The following KCNN2 variants were observed in gnomAD, a reference collection of about 807,000 sequenced individuals.
The protein encoded by KCNN2 is small conductance calcium-activated potassium channel protein 2.
A neutral mutation model predicts 55.5 loss-of-function variants in KCNN2; 24 were observed. That is an observed-to-expected ratio of 0.43 (90% CI 0.31 to 0.61). The LOEUF is 0.61. Ranked by LOEUF, KCNN2 falls within the 20% of genes least tolerant of loss-of-function variation. The pLI, the probability that KCNN2 is intolerant of heterozygous loss-of-function variation, is 0.08. For missense variants in KCNN2, 754 were observed against 853.6 expected (o/e 0.88, Z 1.45); for synonymous variants, 431 against 336.1 (o/e 1.28, Z -3.09).
chr5:114,370,867 G>A (rs1448436068), intron 2 of KCNN2, among the ~76,000 whole-genome samples: 2 of 152,134 alleles, frequency 1.3e-5, no homozygotes, highest in Non-Finnish European at 2.9e-5. Context: ...AGAGTTTAAA[G>A]CAGGCAAGGC....
Position 114,431,612 on chromosome 5 carries a change from C to T in KCNN2, c.1637+26756C>T, listed in dbSNP as rs1005355480. On this transcript the variant is annotated intron_variant, in intron 3 of 7. Transcript: ENST00000673685. ...CTGCTCTAATTTTTTAATTCTTTTC[C>T]TTTTGCTTATCTTGGGGTTAAACTT... 4.7e-5 allele frequency among the ~76,000 whole-genome samples: 7 copies of T among 150,382 alleles called. No individual in the cohort carries two copies. The East Asian group carries it at 1.4e-3, about 29-fold the overall frequency.
intron 2 of KCNN2, among the ~76,000 whole-genome samples, chr5:114,308,657 G>T (rs1756338084): frequency 6.6e-6 from 1 of 152,170 alleles, no homozygotes; most frequent in East Asian, 1.9e-4. Flanking sequence ...GTATGGAATG[G>T]GTGGTAATGG....
At chr5:114,361,522 G>A (rs959702984), upstream of KCNN2, among the ~76,000 whole-genome samples, 5 of 152,222 alleles carry the variant, frequency 3.3e-5, no homozygotes, top group African/African-American at 7.2e-5. Flanking sequence ...GCGGGCAGCC[G>A]GCAGCCCACT....
chr5:114,431,266 T>C (rs1410368529), intron 3 of KCNN2, among the ~76,000 whole-genome samples: 1 of 152,260 alleles, frequency 6.6e-6, no homozygotes, highest in African/African-American at 2.4e-5. Context: ...TGGATTTCTT[T>C]AATAGATATG....
intron 1 of KCNN2, among the ~76,000 whole-genome samples, chr5:114,079,716 A>C (rs1212522944): frequency 6.6e-6 from 1 of 152,146 alleles, no homozygotes; most frequent in Non-Finnish European, 1.5e-5. Flanking sequence ...GTAAGTGTTT[A>C]GGAAGTGGAG....
intron 1 of KCNN2, among the ~76,000 whole-genome samples, chr5:114,071,129 A>G (rs1404840375): frequency 6.6e-6 from 1 of 152,208 alleles, no homozygotes; most frequent in Non-Finnish European, 1.5e-5. Context: ...ACTCTGGCTA[A>G]TTAAAGAAGG....
At chr5:114,336,779 C>T (rs981812161) in intron 2 of KCNN2, among the ~76,000 whole-genome samples, 17 of 152,066 alleles carry the variant, frequency 1.1e-4, no homozygotes, top group South Asian at 2.1e-4. Context: ...TGACAGAAAG[C>T]GCTTTCCATG....
chr5:114,072,002 C>G (rs1420628084), intron 1 of KCNN2, among the ~76,000 whole-genome samples: 1 of 152,132 alleles, frequency 6.6e-6, no homozygotes, highest in Non-Finnish European at 1.5e-5. Context: ...GTTATAAAAG[C>G]AAGGTCAAGG....
chr5:114,393,987 A>G (rs189412218), intron 2 of KCNN2, among the ~76,000 whole-genome samples: 121 of 152,058 alleles, frequency 8.0e-4, no homozygotes, highest in South Asian at 3.3e-3. Flanking sequence ...TACATTCACT[A>G]TTTTTCACTC....
intron 2 of KCNN2, among the ~76,000 whole-genome samples, chr5:114,237,787 T>A (rs1754533845): frequency 6.6e-6 from 1 of 152,204 alleles, no homozygotes; most frequent in African/African-American, 2.4e-5. Context: ...AGTAACTTAG[T>A]CAACAGAAAT....
intron 2 of KCNN2, among the ~76,000 whole-genome samples, chr5:114,333,473 C>A (rs971553886): frequency 3.3e-5 from 5 of 152,092 alleles, no homozygotes; most frequent in African/African-American, 9.7e-5. Flanking sequence ...TATGTACAAG[C>A]AAAGTCTATT....
intron 1 of KCNN2, among the ~76,000 whole-genome samples, chr5:114,096,374 C>G (rs1315701503): frequency 1.3e-5 from 2 of 152,082 alleles, no homozygotes; most frequent in Non-Finnish European, 2.9e-5. Context: ...ACACTGGATC[C>G]CTGGCTTATT....
intron 4 of KCNN2, among the ~76,000 whole-genome samples, chr5:114,471,846 ATTTTCTCC>A (rs1761760855): frequency 6.6e-6 from 1 of 151,986 alleles, no homozygotes; most frequent in South Asian, 2.1e-4. Context: ...TCGTGTATTT[ATTTTCTCC>A]TTTTCTCCTC....
chr5:114,222,399 C>A (rs757337238), intron 2 of KCNN2, among the ~76,000 whole-genome samples: 30 of 152,064 alleles, frequency 2.0e-4, no homozygotes, highest in Non-Finnish European at 3.5e-4. Context: ...CATGGACAGG[C>A]AATGAATATC....
chr5:114,176,191 G>A (rs1753128037), intron 1 of KCNN2, among the ~76,000 whole-genome samples: 2 of 152,098 alleles, frequency 1.3e-5, no homozygotes, highest in South Asian at 4.1e-4. Context: ...TTAACCACAC[G>A]ATGCCAGTGC....
chr5:114,184,786 C>T (rs1753299355), intron 1 of KCNN2, among the ~76,000 whole-genome samples: 1 of 152,178 alleles, frequency 6.6e-6, no homozygotes, highest in African/African-American at 2.4e-5. Flanking sequence ...CTTTCGCTTA[C>T]CATGTAAACA....
chr5:114,199,893 G>A (rs914535635), intron 1 of KCNN2, among the ~76,000 whole-genome samples: 1 of 151,870 alleles, frequency 6.6e-6, no homozygotes, highest in Admixed American at 6.6e-5. Flanking sequence ...TAACTAACAG[G>A]GTTTTCTTTA....
chr5:114,490,745 C>T (rs921240148), intron 6 of KCNN2: 2 of 398,032 alleles, frequency 5.0e-6, no homozygotes, highest in African/African-American at 4.1e-5. Flanking sequence ...GAATTTTCTA[C>T]TGGCTGCATG....
intron 2 of KCNN2, among the ~76,000 whole-genome samples, chr5:114,227,846 G>A (rs1754269424): frequency 6.6e-6 from 1 of 151,996 alleles, no homozygotes; most frequent in South Asian, 2.1e-4. Flanking sequence ...TACATGTAAG[G>A]TAAACATGAA....
Sources: gnomAD v4.1 joint callset for allele counts (sites outside exome capture counted in the v4.1 genomes callset) on GRCh38, gnomAD v4.1.1 for gene constraint, MANE v1.5 for transcripts, NCBI Gene and HGNC (gene_info 2026-07-23, HGNC 2026-07-21) for gene names.